Variants in RASL12 observed in about 807,000 individuals in gnomAD.
The protein encoded by RASL12 is ras-like protein family member 12.
In RASL12, 16 loss-of-function variants were observed where a neutral mutation model predicts 22.9. That is an observed-to-expected ratio of 0.70 (90% CI 0.47 to 1.06). The LOEUF (loss-of-function observed/expected upper bound fraction) is 1.06. Among genes scored for constraint, RASL12 ranks in the 50% least tolerant of loss-of-function variants. The pLI is 0.00. For synonymous variants in RASL12, 159 were observed against 152.2 expected, an observed-to-expected ratio of 1.04 and a Z score of -0.33; for missense variants, 306 against 353.1, an observed-to-expected ratio of 0.87 and a Z score of 1.07.
downstream of RASL12, among the ~76,000 whole-genome samples, chr15:65,050,442 TAAAC>T (rs1472385021): frequency 6.6e-6 from 1 of 152,124 alleles, no homozygotes; most frequent in East Asian, 1.9e-4. Context: ...GGATTAAAAA[TAAAC>T]AACTAAAACG....
At chr15:65,047,440 C>T in the RASL12 span, among the ~76,000 whole-genome samples, 42 of 152,034 alleles carry the variant, frequency 2.8e-4, no homozygotes, top group Admixed American at 1.8e-3. Context: ...GCAGTGTATA[C>T]GCATAAGAAA....
upstream of RASL12, among the ~76,000 whole-genome samples, chr15:65,068,851 T>C (rs1406521749): frequency 6.6e-6 from 1 of 152,170 alleles, no homozygotes; most frequent in Non-Finnish European, 1.5e-5. This position sits in a 1 kb window ranked among gnomAD's most constrained non-coding sequence, Gnocchi z 4.2. Flanking sequence ...CTTGGGCAAG[T>C]CACCTTGCTT....
At chr15:65,053,238 G>T (rs2086679367), downstream of RASL12, 1 of 1,537,456 alleles carries the variant, frequency 6.5e-7, no homozygotes, top group Non-Finnish European at 8.7e-7. Flanking sequence ...AAACCTCTCA[G>T]GTTTTAGAGT....
intron 2 of RASL12, 97 bp from the exon 3 acceptor site, chr15:65,059,515 T>C: frequency 1.1e-6 from 1 of 909,020 alleles, no homozygotes. Context: ...GGGGGGACCT[T>C]AGCAGCTGCT....
the RASL12 span, among the ~76,000 whole-genome samples, chr15:65,047,673 T>C: frequency 6.6e-6 from 1 of 152,226 alleles, no homozygotes. Context: ...GACAGTGCTC[T>C]GGACAGTCAG....
chr15:65,052,806 T>C (rs2086671987), downstream of RASL12, among the ~76,000 whole-genome samples: 1 of 152,140 alleles, frequency 6.6e-6, no homozygotes, highest in Non-Finnish European at 1.5e-5. Context: ...GGGTAAGCCA[T>C]TTCTCTGTTG....
chr15:65,057,138 T>A lies in RASL12; in HGVS notation c.425+1289A>T, dbSNP rs182895968. On this transcript the variant is annotated intron_variant, in intron 4 of 4. Coordinates refer to ENST00000220062, the MANE Select transcript of RASL12 (RefSeq NM_016563.4). ...GGCCACCTTTGAAGGCCTCTCACCATAGTCCCCTTTCACGGTCCCACACCT... is the reference window on the plus strand; with the variant it reads ...GGCCACCTTTGAAGGCCTCTCACCAAAGTCCCCTTTCACGGTCCCACACCT... 5.3e-5 allele frequency among the ~76,000 whole-genome samples: 8 copies of A among 152,338 alleles called. No individual in the cohort carries two copies. In the East Asian group the frequency reaches 1.5e-3, roughly 29 times the overall value.
upstream of RASL12, among the ~76,000 whole-genome samples, chr15:65,069,895 C>T (rs1412253466): frequency 1.3e-5 from 2 of 152,190 alleles, no homozygotes; most frequent in Non-Finnish European, 2.9e-5. Context: ...CAGCTCATTG[C>T]TCAAAGTCTG....
chr15:65,047,677 C>T, the RASL12 span, among the ~76,000 whole-genome samples: 1 of 152,288 alleles, frequency 6.6e-6, no homozygotes, highest in African/African-American at 2.4e-5. Flanking sequence ...GTGCTCTGGA[C>T]AGTCAGTTGG....
At chr15:65,068,113 A>G (rs2086903665), upstream of RASL12, 1 of 1,035,990 alleles carries the variant, frequency 9.7e-7, no homozygotes, top group Non-Finnish European at 1.2e-6. This position sits in a 1 kb window ranked among gnomAD's most constrained non-coding sequence, Gnocchi z 4.2. Context: ...CTCCTGGAGC[A>G]GGGAGGGAGC....
chr15:65,073,324 T>C (rs1478150679), intron 1 of RASL12, among the ~76,000 whole-genome samples: 1 of 152,202 alleles, frequency 6.6e-6, no homozygotes, highest in Non-Finnish European at 1.5e-5. Flanking sequence ...GTAGAATCCA[T>C]GGGTGTCCTG....
At chr15:65,051,757 C>T, downstream of RASL12, 2 of 586,002 alleles carry the variant, frequency 3.4e-6, no homozygotes, top group South Asian at 2.0e-5. Flanking sequence ...TCGAGAACCC[C>T]AAGCTGTTAA....
At chr15:65,066,788 G>A (rs113866393) in intron 1 of RASL12, among the ~76,000 whole-genome samples, 6,442 of 152,094 alleles carry the variant, frequency 0.042, 188 homozygotes, top group Middle Eastern at 0.065. Context: ...CAAAATCAGA[G>A]AGTAGGCCCC....
At position 65,054,177 on chromosome 15, in the gene RASL12, C is replaced by A. The variant is rs2086695635; in HGVS notation, c.*722G>T. 5 of 985,792 alleles carry A rather than the reference C, an allele frequency of 5.1e-6. No homozygotes were observed. The highest frequency in any genetic ancestry group is 6.0e-6 in the Non-Finnish European group (5 of 829,990). The allele number at this position is 985,792 out of a possible 1,614,324, so 61.1% of individuals were successfully genotyped here. A position where few individuals can be genotyped will look rare whatever the true frequency, so the allele number is the denominator to read the frequency against. ...GATGCTGAGGTTCTTTGGACAGAGTCCTTAACAGTGGGAAAACACATGGAG... is the reference window on the plus strand; with the variant it reads ...GATGCTGAGGTTCTTTGGACAGAGTACTTAACAGTGGGAAAACACATGGAG... On this transcript the variant is annotated 3_prime_UTR_variant, in exon 5 of 5. Transcript: ENST00000220062.
chr15:65,045,981 C>T, the RASL12 span, among the ~76,000 whole-genome samples: 5 of 151,578 alleles, frequency 3.3e-5, no homozygotes, highest in East Asian at 3.9e-4. Flanking sequence ...CCCCGGCTAA[C>T]GTGGTGAAAC....
intron 4 of RASL12, among the ~76,000 whole-genome samples, chr15:65,057,885 T>C (rs571174725): frequency 6.6e-6 from 1 of 152,318 alleles, no homozygotes; most frequent in East Asian, 1.9e-4. Context: ...GCCACTCTTC[T>C]GACTTTCAGG....
intron 1 of RASL12, 96 bp downstream of exon 1, chr15:65,067,637 C>T (rs1042499511): frequency 1.2e-5 from 17 of 1,394,798 alleles, no homozygotes; most frequent in Middle Eastern, 1.8e-4. Context: ...GCTCCCCAAG[C>T]CAGTGGAAGA....
At chr15:65,065,464 C>G (rs1246727733) in intron 1 of RASL12, among the ~76,000 whole-genome samples, 191 bp from the exon 2 acceptor site, 1 of 152,038 alleles carries the variant, frequency 6.6e-6, no homozygotes, top group African/African-American at 2.4e-5. Context: ...CTACGGGGAG[C>G]CAAGTGCCTC....
chr15:65,066,258 A>G (rs568798636), intron 1 of RASL12, among the ~76,000 whole-genome samples: 2 of 152,148 alleles, frequency 1.3e-5, no homozygotes, highest in East Asian at 3.9e-4. Context: ...AAGAAAGAAA[A>G]AGAAAAAAGA....
Sources: allele counts gnomAD v4.1 joint callset (sites outside exome capture counted in the v4.1 genomes callset), GRCh38; gene constraint gnomAD v4.1.1; non-coding constraint Gnocchi (gnomAD v3.1); transcripts MANE v1.5; gene names NCBI Gene and HGNC (gene_info 2026-07-23, HGNC 2026-07-21).